COG4: variants seen among roughly 807,000 people sequenced by gnomAD.
COG4 encodes the protein component of oligomeric golgi complex 4.
A neutral mutation model predicts 95.1 loss-of-function variants in COG4; 65 were observed. The ratio of observed to expected loss-of-function variants is 0.68; its 90% CI spans 0.56 to 0.84. The LOEUF is 0.84. Ranked by LOEUF, COG4 falls within the 40% of genes least tolerant of loss-of-function variation. COG4 has a pLI of 0.00. For missense variants in COG4, 1,045 were observed against 989.1 expected, an observed-to-expected ratio of 1.06 and a Z score of -0.76; for synonymous variants, 421 against 374.8, an observed-to-expected ratio of 1.12 and a Z score of -1.42.
chr16:70,517,483 G>C, intron 3 of COG4, 143 bp downstream of exon 3: 1 of 638,416 alleles, frequency 1.6e-6, no homozygotes, highest in Non-Finnish European at 2.8e-6. Context: ...AGCTCCTCAG[G>C]AGGCTGAGGT....
rs113077860 is a variant in COG4 at position 70,508,065 on chromosome 16, C to T, written c.1061+341G>A. On this transcript the variant is annotated intron_variant, in intron 8 of 18. Coordinates refer to ENST00000323786, the MANE Select transcript of COG4 (RefSeq NM_015386.3). ...CCTCCCGAGTAGCTGGGACTACAGG[C>T]ACGCACCACCATGCCCAGCTAATTT... 6.4e-3 allele frequency among the ~76,000 whole-genome samples: 966 copies of T among 151,714 alleles called. 13 individuals are homozygous for T. The highest frequency in any genetic ancestry group is 0.022 in the African/African-American group (905 of 41,398).
chr16:70,509,033 G>A, intron 7 of COG4, 198 bp downstream of exon 7: 1 of 680,184 alleles, frequency 1.5e-6, no homozygotes, highest in South Asian at 1.6e-5. Context: ...GTCTTGAACT[G>A]AGGCCATCAT....
In COG4 at chr16:70,508,476, C is replaced by G. The variant is rs1181095190; in HGVS notation, c.1003-12G>C. On this transcript the variant is annotated splice_polypyrimidine_tract_variant and intron_variant, in intron 7 of 18. Coordinates refer to ENST00000323786, the MANE Select transcript of COG4 (RefSeq NM_015386.3). ...TGAACATGCCGGAACTGCAACATAC[C>G]ACAGGAATGAGAATATTCTTCCCCA... 4.3e-6 allele frequency: 7 copies of G among 1,613,020 alleles called. No individual in the cohort carries two copies. Among genetic ancestry groups the G allele is most frequent in the Non-Finnish European group, 5.9e-6 (7 of 1,179,124 alleles).
chr16:70,521,442 G>C (rs879623458), intron 1 of COG4, among the ~76,000 whole-genome samples: 1 of 151,958 alleles, frequency 6.6e-6, no homozygotes, highest in East Asian at 1.9e-4. Flanking sequence ...GGTTGGTCTC[G>C]AACTCCTGAC....
chr16:70,483,412 A>G (rs551630557), intron 14 of COG4, among the ~76,000 whole-genome samples: 4 of 150,896 alleles, frequency 2.7e-5, no homozygotes, highest in African/African-American at 9.7e-5. Flanking sequence ...AGCTAGTGCT[A>G]ATGAAAGGAG....
At chr16:70,488,770 C>T (rs922648906) in intron 13 of COG4, among the ~76,000 whole-genome samples, 7 of 152,000 alleles carry the variant, frequency 4.6e-5, no homozygotes, top group Admixed American at 2.0e-4. Context: ...AGACCGGTCT[C>T]GAATTCCTGA....
chr16:70,523,207 A>G (rs1452160646), intron 1 of COG4, 166 bp downstream of exon 1: 4 of 762,680 alleles, frequency 5.2e-6, no homozygotes, highest in African/African-American at 3.5e-5. Flanking sequence ...GACAGCGTGA[A>G]AAGAGTTGAC....
intron 1 of COG4, among the ~76,000 whole-genome samples, chr16:70,520,458 C>T (rs2049917367): frequency 7.7e-6 from 1 of 130,572 alleles, no homozygotes; most frequent in Admixed American, 8.1e-5. Flanking sequence ...GACTCCGTCT[C>T]AAAAACAAAA....
At chr16:70,493,887 T>G (rs192168208) in intron 12 of COG4, among the ~76,000 whole-genome samples, 1 of 152,048 alleles carries the variant, frequency 6.6e-6, no homozygotes, top group Non-Finnish European at 1.5e-5. Context: ...GGTGGCATGA[T>G]GAGGAAGGCA....
chr16:70,513,735 C>G (rs1479487047), intron 4 of COG4, among the ~76,000 whole-genome samples: 3 of 152,140 alleles, frequency 2.0e-5, no homozygotes, highest in Non-Finnish European at 4.4e-5. Context: ...CAATTTAAAA[C>G]TAGTAAGATG....
At chr16:70,515,597 T>A (rs992251015) in intron 3 of COG4, among the ~76,000 whole-genome samples, 1 of 152,010 alleles carries the variant, frequency 6.6e-6, no homozygotes, top group African/African-American at 2.4e-5. Flanking sequence ...GACAGGAGAA[T>A]TGCTTGAACC....
chr16:70,501,190 GCC>G, intron 8 of COG4, 99 bp from the exon 9 acceptor site: 1 of 1,381,984 alleles, frequency 7.2e-7, no homozygotes, highest in Non-Finnish European at 1.0e-6. Context: ...TCCCCACTGG[GCC>G]CATAAGGAAA....
chr16:70,504,388 C>T (rs1597676009), intron 8 of COG4, among the ~76,000 whole-genome samples: 2 of 152,130 alleles, frequency 1.3e-5, no homozygotes, highest in East Asian at 1.9e-4. Context: ...GGGCAGATCA[C>T]CTGAGGTTAG....
chr16:70,513,495 A>G (rs2049754431), intron 4 of COG4, among the ~76,000 whole-genome samples: 2 of 152,208 alleles, frequency 1.3e-5, no homozygotes, highest in South Asian at 4.1e-4. Flanking sequence ...AACCTTAAAT[A>G]TACTATGTTT....
In COG4 at chr16:70,501,035, T is replaced by C. The variant is rs760208562; in HGVS notation, c.1118A>G (p.Tyr373Cys). Reference sequence around the variant, plus strand: ...AATCCTCTTCTTGAGGAAGCGTAAGTATAGCTCACTGCGGGCATTCATCAG... The same window carrying C: ...AATCCTCTTCTTGAGGAAGCGTAAGCATAGCTCACTGCGGGCATTCATCAG... ...VTLMNARSEL[Y>C]LRFLKKRISS... The change falls in exon 9 of 19, where the codon TAC becomes TGC. Residue 373 changes from tyrosine to cysteine, a missense_variant. Transcript: ENST00000323786. The C allele has an allele frequency of 1.9e-6, 3 of 1,613,976 alleles. No individual in the cohort carries two copies. Among genetic ancestry groups the C allele is most frequent in the South Asian group, 1.1e-5 (1 of 91,082 alleles).
At chr16:70,504,493 G>T (rs967775219) in intron 8 of COG4, among the ~76,000 whole-genome samples, 3 of 151,790 alleles carry the variant, frequency 2.0e-5, no homozygotes, top group Admixed American at 2.0e-4. Context: ...TGTAAGCTCA[G>T]CTACTCAGGA....
At chr16:70,498,406 G>A (rs1056954628) in intron 9 of COG4, among the ~76,000 whole-genome samples, 3 of 151,418 alleles carry the variant, frequency 2.0e-5, no homozygotes, top group East Asian at 3.9e-4. Context: ...TTGGCTCACC[G>A]CAACCCCTGC....
At chr16:70,499,832 TTGTA>T (rs1271256961) in intron 9 of COG4, among the ~76,000 whole-genome samples, 1 of 152,066 alleles carries the variant, frequency 6.6e-6, no homozygotes, top group East Asian at 1.9e-4. Flanking sequence ...GCTAATTTTT[TTGTA>T]TTTTTAGTAG....
At chr16:70,506,604 A>C (rs906056979) in intron 8 of COG4, among the ~76,000 whole-genome samples, 5 of 115,394 alleles carry the variant, frequency 4.3e-5, no homozygotes, top group African/African-American at 6.8e-5. Flanking sequence ...AAAAAAAAAA[A>C]AAAAAAAAAA....
Sources: gnomAD v4.1 joint callset for allele counts (sites outside exome capture counted in the v4.1 genomes callset) on GRCh38, gnomAD v4.1.1 for gene constraint, MANE v1.5 for transcripts, NCBI Gene and HGNC (gene_info 2026-07-23, HGNC 2026-07-21) for gene names.